Variants in NOL10 observed in about 807,000 individuals in gnomAD.
NOL10 encodes the protein nucleolar protein 10.
NOL10 carries 58 observed loss-of-function variants against 103.5 expected under a neutral mutation model. The ratio of observed to expected loss-of-function variants is 0.56; its 90% CI spans 0.45 to 0.70. The LOEUF is 0.70. Among genes scored for constraint, NOL10 ranks in the 30% least tolerant of loss-of-function variants. The pLI, the probability that NOL10 is intolerant of heterozygous loss-of-function variation, is 0.00. For synonymous variants in NOL10, 287 were observed against 282.5 expected (o/e 1.02, Z -0.16); for missense variants, 763 against 807.3 (o/e 0.95, Z 0.67).
intron 3 of NOL10, among the ~76,000 whole-genome samples, chr2:10,681,721 A>C (rs1484913213): frequency 6.6e-6 from 1 of 152,226 alleles, no homozygotes; most frequent in East Asian, 1.9e-4. Context: ...AATGCATCAA[A>C]GAAACAAGAT....
chr2:10,589,664 T>A lies in NOL10; in HGVS notation c.1510A>T (p.Arg504Trp). Residue 504 changes from arginine to tryptophan, a missense_variant, in exon 18 of 21, where the codon AGG becomes TGG. Coordinates refer to ENST00000381685, the MANE Select transcript of NOL10 (RefSeq NM_024894.4). ...FQVDEESEEF[R>W]LLNPLVSKIS... ...TTTGAAACAAGTGGATTCAGAAGCC[T>A]AAATTCTTCACTCTCTTCATCTACT... 6.3e-7 allele frequency: 1 copy of A among 1,592,068 alleles called. No homozygotes were observed. The highest frequency in any genetic ancestry group is 8.5e-7 in the Non-Finnish European group (1 of 1,170,104).
At chr2:10,581,913 AT>A (rs1674776141) in intron 19 of NOL10, among the ~76,000 whole-genome samples, 1 of 152,208 alleles carries the variant, frequency 6.6e-6, no homozygotes, top group African/African-American at 2.4e-5. Flanking sequence ...GAATGAATGC[AT>A]TTTTTAAAAG....
intron 17 of NOL10, 31 bp downstream of exon 17, chr2:10,600,822 G>C: frequency 7.2e-7 from 1 of 1,383,760 alleles, no homozygotes; most frequent in Non-Finnish European, 1.0e-6. Flanking sequence ...ACAAAACGCA[G>C]AAACAATTTG....
At chr2:10,588,283 GCATT>G (rs1344694280) in intron 19 of NOL10, among the ~76,000 whole-genome samples, 1 of 152,142 alleles carries the variant, frequency 6.6e-6, no homozygotes, top group Non-Finnish European at 1.5e-5. Context: ...CAGTTCAGCA[GCATT>G]AAGTACATTC....
At chr2:10,663,570 A>T (rs1487830604) in intron 8 of NOL10, among the ~76,000 whole-genome samples, 1 of 152,178 alleles carries the variant, frequency 6.6e-6, no homozygotes, top group Non-Finnish European at 1.5e-5. Flanking sequence ...ATGGGAAAAG[A>T]AAATGCAAAA....
intron 20 of NOL10, among the ~76,000 whole-genome samples, chr2:10,576,945 G>T (rs12692411): frequency 0.51 from 78,030 of 151,976 alleles, 22,676 homozygotes; most frequent in Non-Finnish European, 0.69. Context: ...TTGTCATTCT[G>T]TTCTATTTGG....
chr2:10,594,687 G>A (rs991788831), intron 17 of NOL10, among the ~76,000 whole-genome samples: 32 of 152,158 alleles, frequency 2.1e-4, no homozygotes, highest in African/African-American at 7.2e-4. Flanking sequence ...CTACTGACTC[G>A]GCTGGAAATA....
chr2:10,667,351 A>G, intron 7 of NOL10, 73 bp from the exon 8 acceptor site: 1 of 1,096,500 alleles, frequency 9.1e-7, no homozygotes. Context: ...TATTAAATAA[A>G]TAAACAGTCA....
In NOL10 at chr2:10,578,003, C is replaced by T. The variant is rs115718510; in HGVS notation, c.1845-265G>A. Among the ~76,000 whole-genome samples the T allele has an allele frequency of 2.7e-3, 409 of 152,272 alleles. 4 individuals are homozygous for T. The highest frequency in any genetic ancestry group is 4.9e-3 in the Non-Finnish European group (332 of 68,018). ...AGTGGCAGGACCAAACACTTCAATG[C>T]CTGCTACTTTTCTTACTAAAATCAA... On this transcript the variant is annotated intron_variant, in intron 19 of 20. Transcript: ENST00000381685.
At chr2:10,670,049 T>TA (rs2148340280) in intron 6 of NOL10, among the ~76,000 whole-genome samples, 1 of 152,066 alleles carries the variant, frequency 6.6e-6, no homozygotes, top group African/African-American at 2.4e-5. Context: ...CCCATCTTTA[T>TA]AAAAAACTAA....
At chr2:10,665,819 G>C (rs1000770856) in intron 8 of NOL10, among the ~76,000 whole-genome samples, 13 of 152,166 alleles carry the variant, frequency 8.5e-5, no homozygotes, top group African/African-American at 3.1e-4. Flanking sequence ...ATTCAACATA[G>C]TTTTACATAA....
At chr2:10,590,916 C>T (rs1450040843) in intron 17 of NOL10, 1 of 152,220 alleles carries the variant, frequency 6.6e-6, no homozygotes, top group African/African-American at 2.4e-5. Context: ...GCCCTGAACA[C>T]TGCTGGAAAA....
chr2:10,618,229 TA>T (rs1676938763), intron 13 of NOL10, among the ~76,000 whole-genome samples: 1 of 112,634 alleles, frequency 8.9e-6, no homozygotes, highest in Admixed American at 8.9e-5. Context: ...ATTATGTCTT[TA>T]AAAAGCTGTT....
intron 19 of NOL10, among the ~76,000 whole-genome samples, chr2:10,578,799 A>T (rs532104076): frequency 6.6e-6 from 1 of 152,346 alleles, no homozygotes; most frequent in African/African-American, 2.4e-5. Flanking sequence ...AAATGGCTAA[A>T]GCAATAGATT....
intron 3 of NOL10, among the ~76,000 whole-genome samples, chr2:10,676,927 C>T (rs1317297340): frequency 2.7e-5 from 4 of 146,598 alleles, no homozygotes; most frequent in African/African-American, 1.0e-4. Context: ...CATGAGCCAT[C>T]GAGGCCGGCC....
intron 3 of NOL10, among the ~76,000 whole-genome samples, chr2:10,677,945 A>G (rs1440951477): frequency 7.3e-6 from 1 of 137,332 alleles, no homozygotes; most frequent in Non-Finnish European, 1.6e-5. Flanking sequence ...ATATATATAC[A>G]CACATAATTT....
At chr2:10,617,984 G>A (rs1048157239) in intron 13 of NOL10, among the ~76,000 whole-genome samples, 2 of 151,888 alleles carry the variant, frequency 1.3e-5, no homozygotes, top group Non-Finnish European at 2.9e-5. Context: ...GTGACACAAC[G>A]TCATGGAATT....
intron 1 of NOL10, 53 bp downstream of exon 1, chr2:10,689,742 CG>C: frequency 6.6e-7 from 1 of 1,526,458 alleles, no homozygotes; most frequent in South Asian, 1.2e-5. Context: ...GGCTGCCCCA[CG>C]AGGAGGACGA....
At position 10,623,779 on chromosome 2, in the gene NOL10, T is replaced by C. The variant is rs535436568; in HGVS notation, c.1027-16468A>G. ...GCCCAAAAAGACAAAAATCATGGTG[T>C]GTCATTTTCATGACTGACCAACATA... On this transcript the variant is annotated intron_variant, in intron 13 of 20. Coordinates refer to ENST00000381685, the MANE Select transcript of NOL10 (RefSeq NM_024894.4). 2.0e-4 allele frequency among the ~76,000 whole-genome samples: 31 copies of C among 152,326 alleles called. No homozygotes were observed. The South Asian group carries it at 4.1e-3, about 20-fold the overall frequency.
Sources: gnomAD v4.1 joint callset for allele counts (sites outside exome capture counted in the v4.1 genomes callset) on GRCh38, gnomAD v4.1.1 for gene constraint, MANE v1.5 for transcripts, NCBI Gene and HGNC (gene_info 2026-07-23, HGNC 2026-07-21) for gene names.